The following VPS50 variants were observed in gnomAD, a reference collection of about 807,000 sequenced individuals.
VPS50 encodes VPS50 subunit of EARP/GARPII complex.
A neutral mutation model predicts 139.7 loss-of-function variants in VPS50; 70 were observed. That is an observed-to-expected ratio of 0.50 (90% confidence interval 0.41 to 0.61). The LOEUF (loss-of-function observed/expected upper bound fraction) is 0.61, where lower values mean the gene tolerates loss of function less well. Among genes scored for constraint, VPS50 ranks in the 20% least tolerant of loss-of-function variants. The probability of loss-of-function intolerance (pLI) is 0.00; values close to 1 mark genes in which losing one functional copy is unlikely to be tolerated. For missense variants in VPS50, 921 were observed against 1,133.7 expected (o/e 0.81, Z 2.69); for synonymous variants, 365 against 376.7 (o/e 0.97, Z 0.36).
chr7:93,310,941 A>G (rs140143551), intron 19 of VPS50, among the ~76,000 whole-genome samples: 1 of 152,206 alleles, frequency 6.6e-6, no homozygotes, highest in Non-Finnish European at 1.5e-5. Flanking sequence ...GTGGTTGATA[A>G]TGTTTTATAA....
In VPS50 at chr7:93,353,751, A is replaced by T. The variant is rs764244975; in HGVS notation, c.2575A>T (p.Ile859Phe). The T allele has an allele frequency of 6.2e-7, 1 of 1,602,284 alleles. No homozygotes were observed. Among genetic ancestry groups the T allele is most frequent in the Non-Finnish European group, 8.5e-7 (1 of 1,175,390 alleles). Residue 859 changes from isoleucine (I) to phenylalanine (F), a missense_variant, in exon 26 of 28, where the codon ATT (isoleucine) becomes TTT (phenylalanine). Physicochemically the swap from Ile to Phe is conservative, Grantham distance 21 (BLOSUM62 0). Transcript: ENST00000305866. Reference sequence around the variant, plus strand: ...TTGTATACGATTGGCTAATCGAACTATTGTAGAAGGGTAAGTTTTTCATGA... The same window carrying T: ...TTGTATACGATTGGCTAATCGAACTTTTGTAGAAGGGTAAGTTTTTCATGA... Reference protein sequence around the residue: ...EHCIRLANRTIVEGYANVKKC... With the variant: ...EHCIRLANRTFVEGYANVKKC...
chr7:93,252,579 A>G, intron 2 of VPS50, 74 bp from the exon 3 acceptor site: 3 of 1,006,680 alleles, frequency 3.0e-6, no homozygotes, highest in Non-Finnish European at 4.6e-6. Context: ...GTTAAGACAA[A>G]TGATCATTTA....
intron 21 of VPS50, among the ~76,000 whole-genome samples, chr7:93,326,453 TAAAAA>T (rs746975999): frequency 9.4e-5 from 12 of 127,414 alleles, no homozygotes; most frequent in African/African-American, 1.9e-4. Context: ...ATAATAATAA[TAAAAA>T]AAAAATAAAA....
chr7:93,310,027 A>G (rs1005256960), intron 19 of VPS50, among the ~76,000 whole-genome samples: 2 of 152,038 alleles, frequency 1.3e-5, no homozygotes, highest in Admixed American at 1.3e-4. Flanking sequence ...GTTTTTGCGT[A>G]TGTATGATAT....
chr7:93,286,856 C>T (rs1024287471), intron 12 of VPS50, among the ~76,000 whole-genome samples: 2 of 152,050 alleles, frequency 1.3e-5, no homozygotes, highest in African/African-American at 4.8e-5. Context: ...GCATTTGTCA[C>T]TGTGACAATT....
chr7:93,260,302 A>T (rs2116845511), intron 9 of VPS50, among the ~76,000 whole-genome samples: 1 of 152,306 alleles, frequency 6.6e-6, no homozygotes, highest in Non-Finnish European at 1.5e-5. Flanking sequence ...AATTTCCAAC[A>T]TTCCTCTAGA....
chr7:93,257,615 A>G, intron 6 of VPS50, 151 bp downstream of exon 6: 1 of 508,376 alleles, frequency 2.0e-6, no homozygotes, highest in Non-Finnish European at 3.4e-6. Flanking sequence ...TCTAAAGACT[A>G]CACTAAGAGG....
chr7:93,295,059 C>A (rs1796768671), intron 14 of VPS50, among the ~76,000 whole-genome samples: 1 of 152,012 alleles, frequency 6.6e-6, no homozygotes, highest in South Asian at 2.1e-4. Flanking sequence ...ATGAATAATT[C>A]TTTTTTTCTC....
At chr7:93,243,500 T>A (rs1393979802) in intron 2 of VPS50, among the ~76,000 whole-genome samples, 3 of 151,930 alleles carry the variant, frequency 2.0e-5, no homozygotes, top group Non-Finnish European at 2.9e-5. Context: ...TAAAAAATTG[T>A]TTGGAAGTTT....
At chr7:93,296,651 C>T in intron 14 of VPS50, 91 bp from the exon 15 acceptor site, 3 of 1,512,066 alleles carry the variant, frequency 2.0e-6, no homozygotes, top group Admixed American at 2.5e-5. Context: ...ATTCCTGTCT[C>T]ATTTTAATCT....
chr7:93,258,285 G>T lies in VPS50; in HGVS notation c.540+9G>T, dbSNP rs1221849502. 3 of 1,561,854 alleles carry T rather than the reference G, an allele frequency of 1.9e-6. No individual in the cohort carries two copies. In the East Asian group the frequency reaches 6.7e-5, roughly 35 times the overall value. ...GAACTATAAAAACATTGGTATATAT[G>T]GGTCATTTAAAAAAATTAAAACTGA... On this transcript the variant is annotated intron_variant, in intron 7 of 27. Transcript: ENST00000305866.
intron 2 of VPS50, among the ~76,000 whole-genome samples, chr7:93,246,911 C>T (rs1795173061): frequency 6.6e-6 from 1 of 151,896 alleles, no homozygotes; most frequent in African/African-American, 2.4e-5. Flanking sequence ...AATTGTTTTA[C>T]ATAGCTGAAT....
chr7:93,243,061 A>G (rs1257284719), intron 2 of VPS50, among the ~76,000 whole-genome samples: 1 of 151,982 alleles, frequency 6.6e-6, no homozygotes, highest in Non-Finnish European at 1.5e-5. Flanking sequence ...ACCATCTGGT[A>G]CAATTTCTGC....
At position 93,355,884 on chromosome 7, in the gene VPS50, A is replaced by T; in HGVS notation, c.2586-7A>T. The T allele has an allele frequency of 6.6e-7, 1 of 1,523,926 alleles. No homozygotes were observed. 94.4% of individuals were successfully genotyped at this position (1,523,926 alleles called of 1,614,324 possible). On this transcript the variant is annotated splice_polypyrimidine_tract_variant and splice_region_variant and intron_variant, in intron 26 of 27. Transcript: ENST00000305866. ...AATGTATTTTTTTTTATTGTTTTGC[A>T]TCTTAGATATGCCAATGTCAAGAAA... is the stretch of plus-strand genomic sequence containing the variant.
intron 22 of VPS50, among the ~76,000 whole-genome samples, chr7:93,338,867 T>C (rs1306235767): frequency 6.6e-6 from 1 of 152,134 alleles, no homozygotes; most frequent in Non-Finnish European, 1.5e-5. Context: ...AGCTCTCTAT[T>C]CATGGGCTTT....
At chr7:93,247,124 T>A (rs765310690) in intron 2 of VPS50, among the ~76,000 whole-genome samples, 4 of 151,958 alleles carry the variant, frequency 2.6e-5, no homozygotes, top group Non-Finnish European at 4.4e-5. Context: ...TGGTATTATA[T>A]GCAACCTTAT....
intron 20 of VPS50, among the ~76,000 whole-genome samples, chr7:93,315,749 A>G (rs982110355): frequency 6.6e-6 from 1 of 152,204 alleles, no homozygotes; most frequent in Non-Finnish European, 1.5e-5. Flanking sequence ...TTATATAATA[A>G]GGAAATTATA....
chr7:93,243,704 A>G (rs2116789223), intron 2 of VPS50, among the ~76,000 whole-genome samples: 1 of 152,104 alleles, frequency 6.6e-6, no homozygotes, highest in African/African-American at 2.4e-5. Flanking sequence ...AATTAAGAAT[A>G]CAACTAGTAT....
In VPS50 at chr7:93,360,945, T is replaced by C. The variant is rs906296961; in HGVS notation, c.*2509T>C. 1 of 151,986 alleles carries C rather than the reference T, an allele frequency of 6.6e-6. No homozygotes were observed. Among genetic ancestry groups the C allele is most frequent in the African/African-American group, 2.4e-5 (1 of 41,426 alleles). 9.4% of individuals were successfully genotyped at this position (151,986 alleles called of 1,614,324 possible). A position where few individuals can be genotyped will look rare whatever the true frequency, so the allele number is the denominator to read the frequency against. On this transcript the variant is annotated 3_prime_UTR_variant, in exon 28 of 28. Transcript: ENST00000305866. ...TGAATTTCTCTTGAAACCAGGGCCA[T>C]ATGGTATTTTATCATATCTTTAAAT...
Sources: gnomAD v4.1 joint callset for allele counts (sites outside exome capture counted in the v4.1 genomes callset) on GRCh38, gnomAD v4.1.1 for gene constraint, MANE v1.5 for transcripts, NCBI Gene and HGNC (gene_info 2026-07-23, HGNC 2026-07-21) for gene names.